ST3GAL1: variants seen among roughly 807,000 people sequenced by gnomAD.
ST3GAL1 encodes the protein ST3 beta-galactoside alpha-2,3-sialyltransferase 1, also known as CMP-N-acetylneuraminate-beta-galactosamide-alpha-2,3-sialyltransferase 1.
A neutral mutation model predicts 34.1 loss-of-function variants in ST3GAL1; 16 were observed. The observed-to-expected ratio is 0.47, with a 90% CI of 0.32 to 0.71. The LOEUF is 0.71. Among genes scored for constraint, ST3GAL1 ranks in the 30% least tolerant of loss-of-function variants. The pLI is 0.04. For missense variants in ST3GAL1, 353 were observed against 447.4 expected (o/e 0.79, Z 1.90); for synonymous variants, 191 against 184.7 (o/e 1.03, Z -0.28).
At chr8:133,494,425 C>T (rs1028433960) in intron 3 of ST3GAL1, among the ~76,000 whole-genome samples, 1 of 152,242 alleles carries the variant, frequency 6.6e-6, no homozygotes, top group Non-Finnish European at 1.5e-5. Flanking sequence ...TCCCACTTTA[C>T]AACACTCCTG....
rs1191447738 is a variant in ST3GAL1 at position 133,541,126 on chromosome 8, G to T, written c.-429+4648C>A. On this transcript the variant is annotated intron_variant, in intron 2 of 9. Transcript: ENST00000522652. The stretch of plus-strand genomic sequence containing the variant: ...ATATATATATATATATATATAGAGA[G>T]AGAGAGAGAGAGAGAGAGAGAGAGA... Among the ~76,000 whole-genome samples the T allele has an allele frequency of 8.0e-4, 100 of 124,354 alleles. 4 individuals carry two copies. The highest frequency in any genetic ancestry group is 2.3e-3 in the East Asian group (10 of 4,390). The allele number at this position is 124,354 out of a possible 152,430, so 81.6% of individuals were successfully genotyped here.
intron 2 of ST3GAL1, among the ~76,000 whole-genome samples, chr8:133,525,007 G>A (rs1320946782): frequency 1.3e-5 from 2 of 152,244 alleles, no homozygotes; most frequent in African/African-American, 4.8e-5. Context: ...ATGGAGGGAG[G>A]AGGGTGTGTT....
In ST3GAL1 at chr8:133,466,043, C is replaced by G. The variant is rs1586586308; in HGVS notation, c.354G>C (p.Lys118Asn). 6.2e-7 allele frequency: 1 copy of G among 1,614,108 alleles called. No homozygotes were observed. Among genetic ancestry groups the G allele is most frequent in the Non-Finnish European group, 8.5e-7 (1 of 1,179,938 alleles). ...TCCCAGGCACCACTCTGAACAGCTC[C>G]TTGATGGTGTCATTCAAGTTATTGG... ...KKPNNLNDTI[K>N]ELFRVVPGNV... Residue 118 changes from lysine to asparagine, a missense_variant, in exon 6 of 10, where the codon AAG becomes AAC. By Grantham distance (94) the Lys-to-Asn change is moderately conservative. Transcript: ENST00000522652. The surrounding 1 kb of genome is among the most constrained non-coding windows in gnomAD (Gnocchi z 4.4).
At chr8:133,494,133 C>T (rs148948157) in intron 3 of ST3GAL1, among the ~76,000 whole-genome samples, 10 of 152,260 alleles carry the variant, frequency 6.6e-5, no homozygotes, top group South Asian at 2.1e-4. Flanking sequence ...TTCTTATTAA[C>T]GCAGAGAATA....
chr8:133,551,997 AACTCT>A (rs746171732), intron 1 of ST3GAL1, among the ~76,000 whole-genome samples: 8 of 152,226 alleles, frequency 5.3e-5, no homozygotes, highest in East Asian at 1.9e-4. Context: ...ACTAATTCCT[AACTCT>A]ACTCTATTGT....
chr8:133,479,448 C>A (rs1338580352), intron 3 of ST3GAL1, among the ~76,000 whole-genome samples: 1 of 152,170 alleles, frequency 6.6e-6, no homozygotes, highest in Non-Finnish European at 1.5e-5. Context: ...GCTGGTGGGG[C>A]TGAGCAGAGG....
Position 133,475,956 on chromosome 8 carries a change from G to T in ST3GAL1, c.69C>A (p.Ser23=). 6.2e-7 allele frequency: 1 copy of T among 1,613,968 alleles called. No individual in the cohort carries two copies. ...TGGTGTGGGAGTAGTTCAGGAAGAA[G>T]GAGGTGAGGAAGATGAAGAGCACGA... ...TFLVLFIFLT[S]FFLNYSHTMV... The change falls in exon 5 of 10, where the codon TCC becomes TCA. Residue 23 remains serine (S), a synonymous_variant. Transcript: ENST00000522652.
At chr8:133,523,990 C>G (rs561632417) in intron 2 of ST3GAL1, among the ~76,000 whole-genome samples, 1 of 152,254 alleles carries the variant, frequency 6.6e-6, no homozygotes, top group East Asian at 1.9e-4. Context: ...CAGTCAGGGC[C>G]AACTCAACTC....
rs1208873030 is a variant in ST3GAL1 at position 133,556,799 on chromosome 8, T to C, written c.-581-10873A>G. Among the ~76,000 whole-genome samples the C allele has an allele frequency of 2.0e-5, 3 of 152,128 alleles. No individual in the cohort carries two copies. Among genetic ancestry groups the C allele is most frequent in the Non-Finnish European group, 4.4e-5 (3 of 68,022 alleles). ...ACTAACAGTCCTATTTATAGCCCTT[T>C]GAAATATGGTGTGGTGGAGGGGGGA... On this transcript the variant is annotated intron_variant, in intron 1 of 9. Coordinates refer to ENST00000522652, the MANE Select transcript of ST3GAL1 (RefSeq NM_173344.3). This position sits in a 1 kb window ranked among gnomAD's most constrained non-coding sequence, Gnocchi z 8.9.
chr8:133,479,644 C>T (rs145274382), intron 3 of ST3GAL1, among the ~76,000 whole-genome samples: 204 of 152,170 alleles, frequency 1.3e-3, no homozygotes, highest in African/African-American at 4.3e-3. Context: ...CCTGCCTCTG[C>T]GTGAGAGATA....
intron 1 of ST3GAL1, among the ~76,000 whole-genome samples, chr8:133,560,820 C>T (rs867895499): frequency 2.6e-5 from 4 of 152,148 alleles, no homozygotes; most frequent in Non-Finnish European, 4.4e-5. Flanking sequence ...TAAGTGACCT[C>T]GGTTAAGTGA....
At chr8:133,489,860 T>A (rs1459570170) in intron 3 of ST3GAL1, among the ~76,000 whole-genome samples, 1 of 152,178 alleles carries the variant, frequency 6.6e-6, no homozygotes, top group Non-Finnish European at 1.5e-5. Flanking sequence ...TGTTGTTCTC[T>A]GACTCCTGCC....
chr8:133,512,715 C>T (rs913459563), intron 2 of ST3GAL1, among the ~76,000 whole-genome samples: 2 of 152,070 alleles, frequency 1.3e-5, no homozygotes, highest in African/African-American at 2.4e-5. Flanking sequence ...AACTGAGGGT[C>T]GGGAGGAGAC....
chr8:133,473,567 A>G (rs545145801), intron 5 of ST3GAL1, among the ~76,000 whole-genome samples: 56 of 152,358 alleles, frequency 3.7e-4, no homozygotes, highest in African/African-American at 1.3e-3. Context: ...AACTGCTGCT[A>G]CAGGGGGAAT....
intron 2 of ST3GAL1, among the ~76,000 whole-genome samples, chr8:133,518,253 G>A (rs946149902): frequency 1.3e-5 from 2 of 152,198 alleles, no homozygotes; most frequent in East Asian, 1.9e-4. Flanking sequence ...GTACTGCTAA[G>A]GGAGAGGCCC....
Position 133,530,750 on chromosome 8 carries a change from C to T in ST3GAL1, c.-429+15024G>A, listed in dbSNP as rs138577631. Among the ~76,000 whole-genome samples the T allele has an allele frequency of 3.6e-3, 541 of 152,304 alleles. 7 individuals carry two copies. Among genetic ancestry groups the T allele is most frequent in the African/African-American group, 0.012 (518 of 41,574 alleles). On this transcript the variant is annotated intron_variant, in intron 2 of 9. Transcript: ENST00000522652. ...CAGACAAAAAGCATTTCGGGAAAAG[C>T]ATCCTGTGTGACAGGAGGAGCAGCC...
intron 9 of ST3GAL1, among the ~76,000 whole-genome samples, chr8:133,460,992 G>C (rs1370829514): frequency 2.0e-5 from 3 of 152,154 alleles, no homozygotes; most frequent in African/African-American, 7.2e-5. Context: ...AGAACGTTAG[G>C]GCCAAATCGG....
At chr8:133,558,406 G>A (rs1291984702) in intron 1 of ST3GAL1, among the ~76,000 whole-genome samples, 1 of 152,228 alleles carries the variant, frequency 6.6e-6, no homozygotes, top group African/African-American at 2.4e-5. Context: ...CTTGCTGAAG[G>A]ACACGCAGTT....
rs1393936959 is a variant in ST3GAL1, at chr8:133,556,079, A to T, written c.-581-10153T>A. 6.6e-6 allele frequency among the ~76,000 whole-genome samples: 1 copy of T among 151,962 alleles called. No homozygotes were observed. Among genetic ancestry groups the T allele is most frequent in the African/African-American group, 2.4e-5 (1 of 41,342 alleles). ...TGGCTGATTTTTTTTGTATTTTAGT[A>T]GAGACGGGGTTTCATCATGTTGCCC... On this transcript the variant is annotated intron_variant, in intron 1 of 9. Transcript: ENST00000522652. This position sits in a 1 kb window ranked among gnomAD's most constrained non-coding sequence, Gnocchi z 8.9.
Sources: gnomAD v4.1 joint callset for allele counts (sites outside exome capture counted in the v4.1 genomes callset) on GRCh38, gnomAD v4.1.1 for gene constraint, Gnocchi (gnomAD v3.1) non-coding constraint, MANE v1.5 for transcripts, NCBI Gene and HGNC (gene_info 2026-07-23, HGNC 2026-07-21) for gene names.